CADPS2: variants seen among roughly 807,000 people sequenced by gnomAD.
CADPS2 encodes calcium dependent secretion activator 2, also known as calcium-dependent secretion activator 2.
In CADPS2, 93 loss-of-function variants were observed where a neutral mutation model predicts 172.5. The observed-to-expected ratio is 0.54, with a 90% CI of 0.46 to 0.64. The LOEUF is 0.64. CADPS2 is among the 30% of genes least tolerant of loss of function. The pLI is 0.00. For missense variants in CADPS2, 1,420 were observed against 1,565.9 expected (o/e 0.91, Z 1.57); for synonymous variants, 546 against 555.2 (o/e 0.98, Z 0.23).
intron 2 of CADPS2, among the ~76,000 whole-genome samples, chr7:122,699,528 A>C (rs2085691721): frequency 6.6e-6 from 1 of 152,218 alleles, no homozygotes; most frequent in Admixed American, 6.5e-5. Flanking sequence ...TACATCAAAA[A>C]GTAAAAGTCA....
chr7:122,419,952 T>C (rs1041383586), intron 17 of CADPS2, among the ~76,000 whole-genome samples: 2 of 152,086 alleles, frequency 1.3e-5, no homozygotes, highest in African/African-American at 2.4e-5. Context: ...CTGAAGTATA[T>C]AGGAGAAATA....
chr7:122,452,091 C>A (rs2152043674), intron 14 of CADPS2, among the ~76,000 whole-genome samples: 1 of 152,136 alleles, frequency 6.6e-6, no homozygotes, highest in East Asian at 1.9e-4. Flanking sequence ...ATGTGAGTTT[C>A]ATCAGAATTT....
chr7:122,823,700 A>G (rs2140424097), intron 1 of CADPS2, among the ~76,000 whole-genome samples: 1 of 152,216 alleles, frequency 6.6e-6, no homozygotes, highest in East Asian at 1.9e-4. Flanking sequence ...ATTGCAAGTA[A>G]CAGAGACTTC....
chr7:122,707,418 A>G (rs148129652), intron 2 of CADPS2, among the ~76,000 whole-genome samples: 113 of 152,096 alleles, frequency 7.4e-4, no homozygotes, highest in Non-Finnish European at 1.3e-3. Flanking sequence ...TTTGATCTCT[A>G]TGGGTAAGAG....
intron 1 of CADPS2, among the ~76,000 whole-genome samples, chr7:122,802,398 G>A (rs1280914467): frequency 6.6e-6 from 1 of 152,168 alleles, no homozygotes; most frequent in African/African-American, 2.4e-5. Context: ...CACATGCTGT[G>A]TACCTCCACT....
Position 122,399,660 on chromosome 7 carries a change from C to CTTTTTTTTTTTTTTTTTTTTTT in CADPS2, c.2747-6100_2747-6079dup, listed in dbSNP as rs1008163151. ...CGATAACTCTCTCAAGGGTGGGTTT[C>CTTTTTTTTTTTTTTTTTTTTTT]TTTTTTTTTTTTTTTTTTTTTTTTT... is the stretch of plus-strand genomic sequence containing the variant. On this transcript the variant is annotated intron_variant, in intron 20 of 29. Coordinates refer to ENST00000449022, the MANE Select transcript of CADPS2 (RefSeq NM_017954.11). 9.8e-5 allele frequency among the ~76,000 whole-genome samples: 5 copies of CTTTTTTTTTTTTTTTTTTTTTT among 51,210 alleles called. 1 individual carries two copies. Among genetic ancestry groups the CTTTTTTTTTTTTTTTTTTTTTT allele is most frequent in the Non-Finnish European group, 1.5e-4 (4 of 27,068 alleles). 33.6% of individuals were successfully genotyped at this position (51,210 alleles called of 152,430 possible).
At chr7:122,769,588 A>G (rs1265491325) in intron 1 of CADPS2, among the ~76,000 whole-genome samples, 1 of 152,228 alleles carries the variant, frequency 6.6e-6, no homozygotes, top group Non-Finnish European at 1.5e-5. Flanking sequence ...AAGTGTTTGG[A>G]AATGTTATTC....
At chr7:122,658,487 C>G (rs543628777) in intron 3 of CADPS2, among the ~76,000 whole-genome samples, 1 of 152,192 alleles carries the variant, frequency 6.6e-6, no homozygotes, top group East Asian at 1.9e-4. Context: ...TGGAACCAAC[C>G]CAAATGTCAA....
intron 2 of CADPS2, among the ~76,000 whole-genome samples, chr7:122,673,560 C>A (rs2082085027): frequency 6.6e-6 from 1 of 152,156 alleles, no homozygotes; most frequent in African/African-American, 2.4e-5. Flanking sequence ...CTGATGGGTG[C>A]ATTTACAATC....
At chr7:122,533,600 T>G (rs1040029487) in intron 8 of CADPS2, among the ~76,000 whole-genome samples, 1 of 152,164 alleles carries the variant, frequency 6.6e-6, no homozygotes, top group Non-Finnish European at 1.5e-5. Context: ...TTAGCTTCCT[T>G]AAGCACATGT....
Position 122,635,121 on chromosome 7 carries a change from C to T in CADPS2, c.787-5793G>A, listed in dbSNP as rs909758643. On this transcript the variant is annotated intron_variant, in intron 3 of 29. Coordinates refer to ENST00000449022, the MANE Select transcript of CADPS2 (RefSeq NM_017954.11). ...TGTGCAGATGAGAAGAATGTATATT[C>T]TGTGATTGTTAGATAGAGTATTCTG... Among the ~76,000 whole-genome samples, 28 of 152,020 alleles carry T rather than the reference C, an allele frequency of 1.8e-4. 1 individual carries two copies. Among genetic ancestry groups the T allele is most frequent in the Non-Finnish European group, 1.2e-4 (8 of 68,006 alleles).
chr7:122,640,490 CAGAGAT>C (rs1257885231), intron 3 of CADPS2, among the ~76,000 whole-genome samples: 42 of 146,094 alleles, frequency 2.9e-4, no homozygotes, highest in Non-Finnish European at 5.6e-4. Flanking sequence ...CACACACACA[CAGAGAT>C]AGAGAGAGAG....
chr7:122,552,266 T>C (rs1224611515), intron 8 of CADPS2, among the ~76,000 whole-genome samples: 1 of 152,206 alleles, frequency 6.6e-6, no homozygotes, highest in Non-Finnish European at 1.5e-5. Flanking sequence ...TTTTCAGTTC[T>C]AACATTGCTT....
At chr7:122,362,050 A>G (rs932898195) in intron 25 of CADPS2, among the ~76,000 whole-genome samples, 14 of 152,114 alleles carry the variant, frequency 9.2e-5, no homozygotes, top group African/African-American at 3.1e-4. Context: ...CTGGGTGACA[A>G]GAGCAAAACT....
intron 3 of CADPS2, among the ~76,000 whole-genome samples, chr7:122,645,924 T>A (rs914077901): frequency 3.3e-5 from 5 of 151,542 alleles, no homozygotes; most frequent in African/African-American, 7.3e-5. Flanking sequence ...AAAAAAGGAA[T>A]GAGCTATTAT....
chr7:122,379,272 T>C (rs1033535836), intron 25 of CADPS2, 96 bp downstream of exon 25: 2 of 792,958 alleles, frequency 2.5e-6, no homozygotes, highest in African/African-American at 3.5e-5. Context: ...TCTTTTAAAC[T>C]ACATTTTTTC....
intron 2 of CADPS2, among the ~76,000 whole-genome samples, chr7:122,673,426 G>C (rs958501043): frequency 2.0e-5 from 3 of 152,170 alleles, no homozygotes; most frequent in African/African-American, 7.2e-5. Context: ...CAATCCTCTA[G>C]CTGGACATAA....
intron 2 of CADPS2, among the ~76,000 whole-genome samples, chr7:122,727,479 AC>A (rs2091225758): frequency 6.6e-6 from 1 of 151,588 alleles, no homozygotes. Context: ...TTAAGAATAT[AC>A]AAGCAGAAGA....
At chr7:122,395,361 G>C (rs1401522691) in intron 20 of CADPS2, 5 of 152,002 alleles carry the variant, frequency 3.3e-5, no homozygotes, top group Admixed American at 3.3e-4. Flanking sequence ...TCTTTTCCCA[G>C]CTCAGCTATA....
Sources: allele counts gnomAD v4.1 joint callset (sites outside exome capture counted in the v4.1 genomes callset), GRCh38; gene constraint gnomAD v4.1.1; transcripts MANE v1.5; gene names NCBI Gene and HGNC (gene_info 2026-07-23, HGNC 2026-07-21).